The following ADAMTS17 variants were observed in gnomAD, a reference collection of about 807,000 sequenced individuals.
ADAMTS17 encodes the protein A disintegrin and metalloproteinase with thrombospondin motifs 17.
Under a neutral mutation model 141.5 loss-of-function variants are expected in ADAMTS17, and 113 were observed. That is an observed-to-expected ratio of 0.80 (90% CI 0.69 to 0.93). ADAMTS17 has a LOEUF of 0.93. ADAMTS17 is among the 40% of genes least tolerant of loss of function. The pLI, the probability that ADAMTS17 is intolerant of heterozygous loss-of-function variation, is 0.00. For synonymous variants in ADAMTS17, 768 were observed against 630.6 expected (o/e 1.22, Z -3.27); for missense variants, 1,659 against 1,517.9 (o/e 1.09, Z -1.54).
At chr15:100,035,464 CT>C (rs2030616436) in intron 18 of ADAMTS17, among the ~76,000 whole-genome samples, 1 of 152,228 alleles carries the variant, frequency 6.6e-6, no homozygotes, top group Non-Finnish European at 1.5e-5. Flanking sequence ...CTTATTTTCA[CT>C]GTCTCACCAG....
chr15:100,040,440 C>G (rs11856666), intron 18 of ADAMTS17, among the ~76,000 whole-genome samples: 2,459 of 152,252 alleles, frequency 0.016, 64 homozygotes, highest in African/African-American at 0.054. Context: ...CACCTTTTCC[C>G]TTTACTTGTC....
chr15:100,174,132 G>T (rs2040254129), intron 8 of ADAMTS17, among the ~76,000 whole-genome samples: 1 of 152,208 alleles, frequency 6.6e-6, no homozygotes, highest in African/African-American at 2.4e-5. Context: ...GAGAAGCCGA[G>T]TTGATAACCA....
At chr15:100,095,122 G>T (rs114056378) in intron 15 of ADAMTS17, among the ~76,000 whole-genome samples, 1 of 152,120 alleles carries the variant, frequency 6.6e-6, no homozygotes, top group Non-Finnish European at 1.5e-5. Context: ...GTGTAGCTAC[G>T]GAGGCCACTT....
intron 3 of ADAMTS17, among the ~76,000 whole-genome samples, chr15:100,310,778 G>A (rs188805370): frequency 6.6e-6 from 1 of 152,148 alleles, no homozygotes; most frequent in Non-Finnish European, 1.5e-5. Flanking sequence ...CAAACGCCAC[G>A]GCAGGGGGTT....
At chr15:100,096,958 G>A (rs1028015309) in intron 14 of ADAMTS17, among the ~76,000 whole-genome samples, 35 of 152,332 alleles carry the variant, frequency 2.3e-4, no homozygotes, top group Admixed American at 9.8e-4. Flanking sequence ...TTCTAACAAG[G>A]TAGGGATGCC....
chr15:100,069,592 C>T (rs1344922762), intron 15 of ADAMTS17, among the ~76,000 whole-genome samples: 3 of 152,310 alleles, frequency 2.0e-5, no homozygotes, highest in Admixed American at 2.0e-4. Flanking sequence ...CAATATTCAA[C>T]ATTCTTAAAG....
At position 100,199,338 on chromosome 15, in the gene ADAMTS17, G is replaced by A. The variant is rs368268152; in HGVS notation, c.1161C>T (p.Ile387=). 22 of 1,614,190 alleles carry A rather than the reference G, an allele frequency of 1.4e-5. No homozygotes were observed. Among genetic ancestry groups the A allele is most frequent in the Admixed American group, 3.3e-5 (2 of 60,032 alleles). ...CTTACTTGTGGCCCAGCTCATGGGC[G>A]ATGGTAAAGGCCAAATTGAGACCAT... The part of the protein sequence containing the change: ...EDNGLNLAFT[I]AHELGHNLGM... The change falls in exon 8 of 22, where the codon ATC becomes ATT. Residue 387 remains isoleucine (I), a synonymous_variant. Transcript: ENST00000268070.
In ADAMTS17 at chr15:100,152,817, TTTTC is replaced by T. The variant is rs928228331; in HGVS notation, c.1323-59_1323-56del. ...CAAATGTACTGCCTAGGTTTTTTTG[TTTTC>T]TTTTTCTTTTTTTTTTTGAGTTTTC... is the stretch of plus-strand genomic sequence containing the variant. On this transcript the variant is annotated intron_variant, in intron 9 of 21. Coordinates refer to ENST00000268070, the MANE Select transcript of ADAMTS17 (RefSeq NM_139057.4). 24 of 1,534,530 alleles carry T rather than the reference TTTTC, an allele frequency of 1.6e-5. No homozygotes were observed. The African/African-American group carries it at 1.9e-4, about 12-fold the overall frequency.
chr15:100,151,866 T>C (rs1371211753), intron 10 of ADAMTS17, among the ~76,000 whole-genome samples: 2 of 152,236 alleles, frequency 1.3e-5, no homozygotes, highest in Non-Finnish European at 2.9e-5. Context: ...ACCAGCCAAG[T>C]CACAGACCTT....
At chr15:100,052,777 T>G (rs984310773) in intron 16 of ADAMTS17, among the ~76,000 whole-genome samples, 1 of 152,204 alleles carries the variant, frequency 6.6e-6, no homozygotes, top group African/African-American at 2.4e-5. Context: ...AGAAACCTAC[T>G]TGCAGGAACG....
At chr15:100,179,270 A>T (rs562730457) in intron 8 of ADAMTS17, among the ~76,000 whole-genome samples, 2 of 152,172 alleles carry the variant, frequency 1.3e-5, no homozygotes, top group South Asian at 4.2e-4. Flanking sequence ...TCTACTCTCT[A>T]TGAGTTCAAT....
At chr15:100,277,350 G>T (rs1296756969) in intron 4 of ADAMTS17, among the ~76,000 whole-genome samples, 1 of 152,066 alleles carries the variant, frequency 6.6e-6, no homozygotes, top group East Asian at 1.9e-4. Context: ...GTGCAGGGTG[G>T]GAGTGTCTGT....
intron 15 of ADAMTS17, among the ~76,000 whole-genome samples, chr15:100,056,573 G>T (rs184860322): frequency 6.6e-6 from 1 of 152,284 alleles, no homozygotes; most frequent in Non-Finnish European, 1.5e-5. Flanking sequence ...GCGCTCCTAT[G>T]AGAATCTAAT....
intron 7 of ADAMTS17, among the ~76,000 whole-genome samples, chr15:100,234,644 A>C (rs1291244438): frequency 1.3e-5 from 2 of 152,206 alleles, no homozygotes; most frequent in African/African-American, 2.4e-5. Flanking sequence ...TGGGGTTTCC[A>C]CTTTATCTCA....
intron 13 of ADAMTS17, among the ~76,000 whole-genome samples, chr15:100,109,780 C>A (rs1302372370): frequency 6.6e-6 from 1 of 152,122 alleles, no homozygotes; most frequent in East Asian, 1.9e-4. Context: ...GCCCAGCTCC[C>A]CAGCCTTTGC....
intron 20 of ADAMTS17, chr15:99,980,270 G>A (rs1444510821): frequency 6.6e-6 from 1 of 152,256 alleles, no homozygotes; most frequent in Admixed American, 6.5e-5. Context: ...GCAGTTAGCT[G>A]AGATTGCACC....
At chr15:100,281,466 C>G (rs2044281027) in intron 3 of ADAMTS17, 65 bp from the exon 4 acceptor site, 1 of 1,560,078 alleles carries the variant, frequency 6.4e-7, no homozygotes, top group Non-Finnish European at 8.7e-7. Flanking sequence ...ATGCAGTGAA[C>G]AGGCCTTCTG....
intron 15 of ADAMTS17, among the ~76,000 whole-genome samples, chr15:100,090,692 G>C (rs1046603483): frequency 6.6e-6 from 1 of 152,072 alleles, no homozygotes; most frequent in African/African-American, 2.4e-5. Context: ...ACCGTCCTAC[G>C]ACAAGTTTCT....
chr15:100,247,632 T>C (rs184153519), intron 7 of ADAMTS17, among the ~76,000 whole-genome samples: 1 of 152,286 alleles, frequency 6.6e-6, no homozygotes, highest in Non-Finnish European at 1.5e-5. Context: ...GCATAAAAAG[T>C]GGCATTTCTT....
Sources: gnomAD v4.1 joint callset for allele counts (sites outside exome capture counted in the v4.1 genomes callset) on GRCh38, gnomAD v4.1.1 for gene constraint, MANE v1.5 for transcripts, NCBI Gene and HGNC (gene_info 2026-07-23, HGNC 2026-07-21) for gene names.